The following CACNG2 variants were observed in gnomAD, a reference collection of about 807,000 sequenced individuals.
The protein encoded by CACNG2 is calcium voltage-gated channel auxiliary subunit gamma 2, also known as voltage-dependent calcium channel gamma-2 subunit.
A neutral mutation model predicts 25.9 loss-of-function variants in CACNG2; 3 were observed. The observed-to-expected ratio is 0.12, with a 90% CI of 0.05 to 0.30. The LOEUF (loss-of-function observed/expected upper bound fraction) is 0.30, where lower values mean the gene tolerates loss of function less well. CACNG2 is among the 10% of genes least tolerant of loss of function. The pLI is 1.00. For missense variants in CACNG2, 341 were observed against 432.5 expected (o/e 0.79, Z 1.88); for synonymous variants, 167 against 173.3 (o/e 0.96, Z 0.29).
intron 1 of CACNG2, among the ~76,000 whole-genome samples, chr22:36,675,815 G>A (rs533746900): frequency 6.6e-6 from 1 of 152,332 alleles, no homozygotes; most frequent in South Asian, 2.1e-4. Context: ...GAAAAGAAAG[G>A]CTGATTTTAC....
intron 1 of CACNG2, among the ~76,000 whole-genome samples, chr22:36,680,447 T>A (rs1427405462): frequency 7.0e-6 from 1 of 142,894 alleles, no homozygotes; most frequent in East Asian, 2.2e-4. Flanking sequence ...ATCACCACCA[T>A]CACCATCACC....
rs148518450 is a variant in CACNG2 at position 36,606,466 on chromosome 22, C to T, written c.212-18918G>A. ...AAGTGAAAGAGCTGGGCTCTGACCC[C>T]GGGCAGGAGGTTCTAGGTGACTGCT... On this transcript the variant is annotated intron_variant, in intron 1 of 3. Transcript: ENST00000300105. The surrounding 1 kb of genome is among the most constrained non-coding windows in gnomAD (Gnocchi z 5.7). Among the ~76,000 whole-genome samples, 502 of 152,264 alleles carry T rather than the reference C, an allele frequency of 3.3e-3. No homozygotes were observed. The highest frequency in any genetic ancestry group is 5.4e-3 in the Admixed American group (83 of 15,292).
At chr22:36,610,033 G>A (rs538627760) in intron 1 of CACNG2, among the ~76,000 whole-genome samples, 16 of 149,344 alleles carry the variant, frequency 1.1e-4, no homozygotes, top group Admixed American at 7.3e-4. Context: ...AGAGCCTCCC[G>A]GAGCACGGTC....
Position 36,560,974 on chromosome 22 carries a change from T to C in CACNG2, c.*3377A>G, listed in dbSNP as rs1935018331. ...ACAGTCTGAAAAAAAAAAAAAGGAC[T>C]CACCAAGAAAATAAATGGAGGTTAG... On this transcript the variant is annotated 3_prime_UTR_variant, in exon 4 of 4. Transcript: ENST00000300105. 7.1e-6 allele frequency: 1 copy of C among 141,324 alleles called. No homozygotes were observed. Among genetic ancestry groups the C allele is most frequent in the South Asian group, 2.2e-4 (1 of 4,586 alleles). 8.8% of individuals were successfully genotyped at this position (141,324 alleles called of 1,614,324 possible).
In CACNG2 at chr22:36,700,000, C is replaced by T. The variant is rs570187937; in HGVS notation, c.211+2366G>A. On this transcript the variant is annotated intron_variant, in intron 1 of 3. Transcript: ENST00000300105. Reference sequence around the variant, plus strand: ...GGCCCGGTCAAAAGCGGGCCCGGAGCTCCAGCCCTTCCTGCCCTGGCCATG... The same window carrying T: ...GGCCCGGTCAAAAGCGGGCCCGGAGTTCCAGCCCTTCCTGCCCTGGCCATG... Among the ~76,000 whole-genome samples the T allele has an allele frequency of 9.2e-5, 14 of 152,374 alleles. No individual in the cohort carries two copies. In the South Asian group the frequency reaches 2.9e-3, roughly 32 times the overall value.
Position 36,566,374 on chromosome 22 carries a change from C to T in CACNG2, c.415G>A (p.Gly139Ser), listed in dbSNP as rs755995466. Residue 139 changes from glycine (G) to serine (S), a missense_variant, in exon 3 of 4, where the codon GGC becomes AGC. Physicochemically the swap from Gly to Ser is moderately conservative, Grantham distance 56 (BLOSUM62 0). This residue lies in a region of CACNG2 where 169 missense variants were observed against 254.4 expected (regional missense o/e 0.66). Coordinates refer to ENST00000300105, the MANE Select transcript of CACNG2 (RefSeq NM_006078.5). Reference protein sequence around the residue: ...KTRHNIILSAGIFFVSAGLSN... With the variant: ...KTRHNIILSASIFFVSAGLSN... ...TTACCTGCAGACACGAAGAAGATGC[C>T]GGCACTCAGGATGATGTTGTGTCGA... is the stretch of plus-strand genomic sequence containing the variant. 1.2e-5 allele frequency: 19 copies of T among 1,614,114 alleles called. No homozygotes were observed. The highest frequency in any genetic ancestry group is 2.2e-5 in the East Asian group (1 of 44,876).
chr22:36,563,200 G>A lies in CACNG2; in HGVS notation c.*1151C>T, dbSNP rs898387825. Among the ~76,000 whole-genome samples, 1 of 151,812 alleles carries A rather than the reference G, an allele frequency of 6.6e-6. No individual in the cohort carries two copies. The highest frequency in any genetic ancestry group is 1.5e-5 in the Non-Finnish European group (1 of 67,962). On this transcript the variant is annotated 3_prime_UTR_variant, in exon 4 of 4. Coordinates refer to ENST00000300105, the MANE Select transcript of CACNG2 (RefSeq NM_006078.5). ...TTTTTGCAGTGTCATTGTTGAACCC[G>A]CTGGGCCCCAAGGGGGCATCAGTGA...
At chr22:36,630,836 T>C (rs1936256767) in intron 1 of CACNG2, among the ~76,000 whole-genome samples, 1 of 151,944 alleles carries the variant, frequency 6.6e-6, no homozygotes, top group African/African-American at 2.4e-5. Flanking sequence ...CTTGAGCTAT[T>C]TGTTTATTTA....
At chr22:36,642,276 T>A (rs1206524142) in intron 1 of CACNG2, among the ~76,000 whole-genome samples, 1 of 152,216 alleles carries the variant, frequency 6.6e-6, no homozygotes, top group African/African-American at 2.4e-5. Flanking sequence ...TAAATGCTAG[T>A]TGAATTCAGC....
intron 1 of CACNG2, among the ~76,000 whole-genome samples, chr22:36,638,596 T>A (rs971188422): frequency 1.7e-4 from 26 of 152,192 alleles, no homozygotes; most frequent in Non-Finnish European, 3.7e-4. Flanking sequence ...TGGAGAGAGT[T>A]CTTGGCCCCC....
At chr22:36,598,523 C>T (rs926406465) in intron 1 of CACNG2, among the ~76,000 whole-genome samples, 1 of 149,570 alleles carries the variant, frequency 6.7e-6, no homozygotes, top group Non-Finnish European at 1.5e-5. Context: ...GAGGCTGAGG[C>T]CTGAGAATCA....
chr22:36,611,844 C>T (rs1603501611), intron 1 of CACNG2, among the ~76,000 whole-genome samples: 2 of 152,274 alleles, frequency 1.3e-5, no homozygotes, highest in Non-Finnish European at 2.9e-5. Flanking sequence ...ATAGCCGTCT[C>T]GGGGACAAGG....
At chr22:36,699,505 T>C (rs1002031780) in intron 1 of CACNG2, among the ~76,000 whole-genome samples, 12 of 152,066 alleles carry the variant, frequency 7.9e-5, no homozygotes, top group Middle Eastern at 3.4e-3. Context: ...AAAGCCCTAA[T>C]GAAAACCAGA....
In CACNG2 at chr22:36,606,001, G is replaced by A. The variant is rs963811961; in HGVS notation, c.212-18453C>T. 2.0e-5 allele frequency among the ~76,000 whole-genome samples: 3 copies of A among 152,216 alleles called. No homozygotes were observed. The highest frequency in any genetic ancestry group is 6.5e-5 in the Admixed American group (1 of 15,286). ...TCTTAAGAAGCCCTGTGGTGTGGTG[G>A]CTGTGCCTCTCGCAGGAGAGCGTGG... is the stretch of plus-strand genomic sequence containing the variant. On this transcript the variant is annotated intron_variant, in intron 1 of 3. Coordinates refer to ENST00000300105, the MANE Select transcript of CACNG2 (RefSeq NM_006078.5). This position sits in a 1 kb window ranked among gnomAD's most constrained non-coding sequence, Gnocchi z 5.7.
At chr22:36,619,503 A>G (rs1485952940) in intron 1 of CACNG2, among the ~76,000 whole-genome samples, 2 of 152,210 alleles carry the variant, frequency 1.3e-5, no homozygotes, top group Non-Finnish European at 2.9e-5. Context: ...GCTTTGTCCA[A>G]TATGTACCAA....
intron 1 of CACNG2, among the ~76,000 whole-genome samples, chr22:36,602,871 G>A (rs1935775641): frequency 6.6e-6 from 1 of 151,638 alleles, no homozygotes; most frequent in Admixed American, 6.6e-5. Context: ...CCCTCTCCTT[G>A]GACCCCCCTA....
chr22:36,613,164 G>C (rs968097359), intron 1 of CACNG2, among the ~76,000 whole-genome samples: 31 of 117,020 alleles, frequency 2.6e-4, no homozygotes, highest in Non-Finnish European at 1.8e-4. Context: ...CTCTGTGTGT[G>C]TGTGTGTGTG....
chr22:36,587,634 T>A (rs926547355), intron 1 of CACNG2, 86 bp from the exon 2 acceptor site: 17 of 942,328 alleles, frequency 1.8e-5, no homozygotes, highest in Admixed American at 1.2e-4. Flanking sequence ...AACTTCTGGC[T>A]CTTTGGAAAC....
intron 1 of CACNG2, among the ~76,000 whole-genome samples, chr22:36,620,148 G>C (rs1297079748): frequency 6.6e-6 from 1 of 152,214 alleles, no homozygotes; most frequent in East Asian, 1.9e-4. Context: ...ATAGACTCTA[G>C]GAAATCCTAC....
Sources: allele counts gnomAD v4.1 joint callset (sites outside exome capture counted in the v4.1 genomes callset), GRCh38; gene constraint gnomAD v4.1.1; regional missense constraint gnomAD v4.1.1; non-coding constraint Gnocchi (gnomAD v3.1); transcripts MANE v1.5; gene names NCBI Gene and HGNC (gene_info 2026-07-23, HGNC 2026-07-21).